The following MALT1 variants were observed in gnomAD, a reference collection of about 807,000 sequenced individuals.
MALT1 encodes mucosa-associated lymphoid tissue lymphoma translocation protein 1.
MALT1 carries 36 observed loss-of-function variants against 85.5 expected under a neutral mutation model. The observed-to-expected ratio is 0.42, with a 90% CI of 0.32 to 0.56. The LOEUF is 0.56. MALT1 is among the 20% of genes least tolerant of loss of function. The pLI, the probability that MALT1 is intolerant of heterozygous loss-of-function variation, is 0.10. For synonymous variants in MALT1, 359 were observed against 361.3 expected, an observed-to-expected ratio of 0.99 and a Z score of 0.07; for missense variants, 716 against 981.6, an observed-to-expected ratio of 0.73 and a Z score of 3.62.
At chr18:58,711,704 A>G (rs2054833179) in intron 7 of MALT1, among the ~76,000 whole-genome samples, 1 of 152,190 alleles carries the variant, frequency 6.6e-6, no homozygotes, top group African/African-American at 2.4e-5. Flanking sequence ...TTCTGCCTCT[A>G]TTACATAAGC....
intron 10 of MALT1, among the ~76,000 whole-genome samples, chr18:58,726,763 A>G (rs1261422587): frequency 6.6e-6 from 1 of 152,252 alleles, no homozygotes; most frequent in Non-Finnish European, 1.5e-5. Flanking sequence ...CCTGAGATCT[A>G]TCCCTGCATA....
rs2055412971 is a variant in MALT1, at chr18:58,749,132, C to CTGCAAA, written c.*1290_*1291insTGCAAA. The CTGCAAA allele has an allele frequency of 4.6e-6, 1 of 217,918 alleles. No homozygotes were observed. Among genetic ancestry groups the CTGCAAA allele is most frequent in the Admixed American group, 5.8e-5 (1 of 17,224 alleles). 13.5% of individuals were successfully genotyped at this position (217,918 alleles called of 1,614,324 possible). The stretch of plus-strand genomic sequence containing the variant: ...TCTAAAAATCAAATAAGCTAATATA[C>CTGCAAA]AGTCAGTTCTCATTATTCACAGTAA... On this transcript the variant is annotated 3_prime_UTR_variant, in exon 17 of 17. Coordinates refer to ENST00000649217, the MANE Select transcript of MALT1 (RefSeq NM_006785.4).
At chr18:58,718,543 C>T (rs1292798311) in intron 9 of MALT1, among the ~76,000 whole-genome samples, 1 of 152,158 alleles carries the variant, frequency 6.6e-6, no homozygotes, top group Admixed American at 6.5e-5. Flanking sequence ...GCCTGATGAT[C>T]TGAGATGGAA....
intron 10 of MALT1, among the ~76,000 whole-genome samples, chr18:58,726,185 AC>A (rs1473010232): frequency 6.6e-6 from 1 of 152,242 alleles, no homozygotes; most frequent in Non-Finnish European, 1.5e-5. Context: ...ATCTTGGAGT[AC>A]AAAATAAAGA....
chr18:58,712,077 G>A (rs989882933), intron 7 of MALT1, among the ~76,000 whole-genome samples: 1 of 152,156 alleles, frequency 6.6e-6, no homozygotes, highest in African/African-American at 2.4e-5. Flanking sequence ...TTGCTGTGCT[G>A]CTTCTGTACC....
At chr18:58,710,118 A>G (rs1219201522) in intron 6 of MALT1, 46 bp downstream of exon 6, 1 of 1,221,304 alleles carries the variant, frequency 8.2e-7, no homozygotes, top group East Asian at 2.3e-5. Context: ...CTATAATATA[A>G]GCTATATAAA....
chr18:58,681,793 G>A (rs2054326541), intron 2 of MALT1, among the ~76,000 whole-genome samples: 1 of 152,090 alleles, frequency 6.6e-6, no homozygotes, highest in Admixed American at 6.5e-5. Context: ...TTGCCGCAGT[G>A]AGGCTTTTGA....
At chr18:58,702,868 C>T (rs1338552857) in intron 4 of MALT1, among the ~76,000 whole-genome samples, 4 of 152,178 alleles carry the variant, frequency 2.6e-5, no homozygotes, top group Non-Finnish European at 5.9e-5. Flanking sequence ...AAACCAGTCT[C>T]CTCTAAAGAG....
intron 2 of MALT1, among the ~76,000 whole-genome samples, chr18:58,694,697 TCA>T (rs1309630535): frequency 6.6e-6 from 1 of 152,214 alleles, no homozygotes; most frequent in Non-Finnish European, 1.5e-5. Flanking sequence ...GTTTATTATC[TCA>T]CACAGTTTCT....
At chr18:58,703,400 C>T (rs959455907) in intron 4 of MALT1, among the ~76,000 whole-genome samples, 2 of 151,996 alleles carry the variant, frequency 1.3e-5, no homozygotes, top group Non-Finnish European at 2.9e-5. Context: ...TAAAAAATAC[C>T]TCATGCACCT....
intron 9 of MALT1, among the ~76,000 whole-genome samples, chr18:58,720,260 C>A (rs527713102): frequency 9.9e-5 from 15 of 152,174 alleles, no homozygotes; most frequent in Non-Finnish European, 1.9e-4. Flanking sequence ...TATTTGCCGT[C>A]TTGAAGTTTT....
At chr18:58,692,679 C>CAAAA (rs1568129673) in intron 2 of MALT1, among the ~76,000 whole-genome samples, 1 of 152,206 alleles carries the variant, frequency 6.6e-6, no homozygotes, top group African/African-American at 2.4e-5. Context: ...AGTCACATGT[C>CAAAA]TCTCACTTTA....
At chr18:58,681,055 C>A in intron 1 of MALT1, 115 bp from the exon 2 acceptor site, 1 of 767,556 alleles carries the variant, frequency 1.3e-6, no homozygotes, top group Non-Finnish European at 2.1e-6. Flanking sequence ...TAGTTTGTCA[C>A]CACCCACCCA....
rs563997286 is a variant in MALT1, at chr18:58,680,945, A to T, written c.210-225A>T. On this transcript the variant is annotated intron_variant, in intron 1 of 16. Coordinates refer to ENST00000649217, the MANE Select transcript of MALT1 (RefSeq NM_006785.4). ...ACTCCGTCTCAAAAAAAAAAAAAAAAAAAAAAAAAATAATCATGGGAGCTG... is the reference window on the plus strand; with the variant it reads ...ACTCCGTCTCAAAAAAAAAAAAAAATAAAAAAAAAATAATCATGGGAGCTG... Among the ~76,000 whole-genome samples, 233 of 151,594 alleles carry T rather than the reference A, an allele frequency of 1.5e-3. 1 individual carries two copies. The highest frequency in any genetic ancestry group is 4.4e-3 in the African/African-American group (183 of 41,298).
chr18:58,750,262 C>G lies in MALT1; in HGVS notation c.*2420C>G, dbSNP rs1450893596. 6.1e-6 allele frequency: 1 copy of G among 165,196 alleles called. No homozygotes were observed. Among genetic ancestry groups the G allele is most frequent in the Non-Finnish European group, 1.3e-5 (1 of 75,550 alleles). 10.2% of individuals were successfully genotyped at this position (165,196 alleles called of 1,614,324 possible). On this transcript the variant is annotated 3_prime_UTR_variant, in exon 17 of 17. Coordinates refer to ENST00000649217, the MANE Select transcript of MALT1 (RefSeq NM_006785.4). ...CCAACACGTTTAAAGAAATTAAGAT[C>G]CAGATAAATGGAAAGACATCCATGT...
At chr18:58,727,462 G>A (rs1483175104) in intron 10 of MALT1, among the ~76,000 whole-genome samples, 3 of 152,166 alleles carry the variant, frequency 2.0e-5, no homozygotes, top group Non-Finnish European at 4.4e-5. Context: ...TGCCACCAAC[G>A]CCTGGCTAAT....
intron 2 of MALT1, among the ~76,000 whole-genome samples, chr18:58,692,756 G>A (rs950234930): frequency 2.0e-5 from 3 of 152,202 alleles, no homozygotes; most frequent in Non-Finnish European, 2.9e-5. Context: ...AGGCTGAAAA[G>A]CTAGGCCTCT....
intron 1 of MALT1, among the ~76,000 whole-genome samples, chr18:58,674,822 C>T (rs1602267645): frequency 6.6e-6 from 1 of 152,292 alleles, no homozygotes; most frequent in Admixed American, 6.5e-5. Context: ...ATCTGCAGCC[C>T]TAGAATCTCG....
rs574047588 is a variant in MALT1 at position 58,699,664 on chromosome 18, A to C, written c.499-777A>C. ...TGATGGAGGTGCTCAAAGAGTTTTG[A>C]ATTTGGGAGTATTTCAGATTTTAAA... On this transcript the variant is annotated intron_variant, in intron 3 of 16. Coordinates refer to ENST00000649217, the MANE Select transcript of MALT1 (RefSeq NM_006785.4). 3.9e-5 allele frequency among the ~76,000 whole-genome samples: 6 copies of C among 152,280 alleles called. No individual in the cohort carries two copies. The East Asian group carries it at 1.2e-3, about 29-fold the overall frequency.
Sources: gnomAD v4.1 joint callset for allele counts (sites outside exome capture counted in the v4.1 genomes callset) on GRCh38, gnomAD v4.1.1 for gene constraint, MANE v1.5 for transcripts, NCBI Gene and HGNC (gene_info 2026-07-23, HGNC 2026-07-21) for gene names.